ANK2: variants seen among roughly 807,000 people sequenced by gnomAD.
ANK2 encodes the protein ankyrin 2, also known as ankyrin-2.
ANK2 carries 83 observed loss-of-function variants against 360.5 expected under a neutral mutation model. That is an observed-to-expected ratio of 0.23 (90% CI 0.19 to 0.28). ANK2 has a LOEUF of 0.28. ANK2 is among the 10% of genes least tolerant of loss of function. ANK2 has a pLI of 1.00. For synonymous variants in ANK2, 1,740 were observed against 1,759.5 expected, an observed-to-expected ratio of 0.99 and a Z score of 0.28; for missense variants, 4,201 against 4,795.7, an observed-to-expected ratio of 0.88 and a Z score of 3.66.
At chr4:112,958,140 G>T (rs369230785) in intron 2 of ANK2, among the ~76,000 whole-genome samples, 1 of 148,614 alleles carries the variant, frequency 6.7e-6, no homozygotes, top group South Asian at 2.2e-4. Flanking sequence ...GGCTCCTCAC[G>T]TCCCAGACGA....
rs187004448 is a variant in ANK2 at position 113,320,659 on chromosome 4, A to G, written c.2900+2039A>G. On this transcript the variant is annotated intron_variant, in intron 26 of 45. Coordinates refer to ENST00000357077, the MANE Select transcript of ANK2 (RefSeq NM_001148.6). Reference sequence around the variant, plus strand: ...GACAGAGTGAGACTCCATCTCCAAAAAAAACAAAAACAAAAACAAAAAAAA... The same window carrying G: ...GACAGAGTGAGACTCCATCTCCAAAGAAAACAAAAACAAAAACAAAAAAAA... 3.4e-3 allele frequency among the ~76,000 whole-genome samples: 521 copies of G among 151,770 alleles called. 8 individuals are homozygous for G. The East Asian group carries it at 0.049, about 14-fold the overall frequency.
At chr4:112,955,107 A>G (rs142801388) in intron 2 of ANK2, among the ~76,000 whole-genome samples, 52 of 152,190 alleles carry the variant, frequency 3.4e-4, no homozygotes, top group African/African-American at 1.1e-3. Flanking sequence ...TTATTCTTTG[A>G]TATAAATCAC....
chr4:113,106,962 A>G (rs1298910086), intron 1 of ANK2: 1 of 525,666 alleles, frequency 1.9e-6, no homozygotes, highest in Admixed American at 2.0e-5. Flanking sequence ...AACCTATTAC[A>G]GAGACTTCCA....
At chr4:112,887,800 C>A (rs897963874) in intron 1 of ANK2, among the ~76,000 whole-genome samples, 1 of 151,816 alleles carries the variant, frequency 6.6e-6, no homozygotes, top group East Asian at 1.9e-4. Context: ...TTATTTGTGT[C>A]TATCTTCACT....
At chr4:112,904,499 C>A in exon 2 of ANK2, 1 of 1,503,538 alleles carries the variant, frequency 6.7e-7, no homozygotes, top group Non-Finnish European at 9.0e-7. Context: ...TTCAAATGAC[C>A]ACCATGTTGC....
chr4:112,713,430 G>C, the ANK2 span, among the ~76,000 whole-genome samples: 1 of 152,204 alleles, frequency 6.6e-6, no homozygotes, highest in Non-Finnish European at 1.5e-5. Context: ...TTAGCTGGGC[G>C]TGGTGGCGCA....
chr4:112,946,659 A>G (rs1462589862), intron 2 of ANK2, among the ~76,000 whole-genome samples: 1 of 152,216 alleles, frequency 6.6e-6, no homozygotes, highest in Non-Finnish European at 1.5e-5. Flanking sequence ...TGGAATTCAT[A>G]AGTGTAAAAA....
chr4:113,366,391 C>CTTTTTTTTTTTTTTTTT (rs58588518), intron 41 of ANK2, among the ~76,000 whole-genome samples: 2 of 108,370 alleles, frequency 1.8e-5, no homozygotes, highest in African/African-American at 8.9e-5. Context: ...TTCTTGCTTC[C>CTTTTTTTTTTTTTTTTT]TTTTTTTTTT....
chr4:112,969,857 A>T (rs2038799274), intron 2 of ANK2, among the ~76,000 whole-genome samples: 1 of 152,178 alleles, frequency 6.6e-6, no homozygotes, highest in Non-Finnish European at 1.5e-5. Flanking sequence ...GCTCTGTAGG[A>T]GTACTTTAGT....
chr4:113,075,332 G>A (rs1204505024), intron 1 of ANK2, among the ~76,000 whole-genome samples: 1 of 152,098 alleles, frequency 6.6e-6, no homozygotes, highest in Non-Finnish European at 1.5e-5. Flanking sequence ...ATATAGTAAT[G>A]TACTTATGTG....
At chr4:113,011,249 A>G (rs2054619488) in intron 2 of ANK2, among the ~76,000 whole-genome samples, 1 of 152,066 alleles carries the variant, frequency 6.6e-6, no homozygotes, top group Admixed American at 6.6e-5. Flanking sequence ...TTAAGCTGGG[A>G]TAAATGTTTT....
At chr4:112,831,507 G>C (rs1370506048) in intron 1 of ANK2, among the ~76,000 whole-genome samples, 1 of 152,160 alleles carries the variant, frequency 6.6e-6, no homozygotes, top group Non-Finnish European at 1.5e-5. Flanking sequence ...CCTGTGTCTA[G>C]CTCAAGGTTT....
chr4:112,954,059 C>T (rs533984269), intron 2 of ANK2, among the ~76,000 whole-genome samples: 4 of 151,616 alleles, frequency 2.6e-5, no homozygotes, highest in East Asian at 2.0e-4. Flanking sequence ...CTATTTTAAA[C>T]TCAAACAAGA....
At chr4:113,238,750 T>C (rs1355295528) in intron 7 of ANK2, among the ~76,000 whole-genome samples, 1 of 152,158 alleles carries the variant, frequency 6.6e-6, no homozygotes, top group Admixed American at 6.5e-5. Flanking sequence ...AACCCCTTCG[T>C]CTAATCCTGT....
the ANK2 span, among the ~76,000 whole-genome samples, chr4:112,777,203 C>G: frequency 6.6e-6 from 1 of 152,270 alleles, no homozygotes; most frequent in East Asian, 1.9e-4. Flanking sequence ...CAAAATCACA[C>G]AGCAGGAACT....
chr4:113,218,470 C>G (rs939791372), intron 4 of ANK2, among the ~76,000 whole-genome samples: 1 of 148,522 alleles, frequency 6.7e-6, no homozygotes. Context: ...AAAAAAATGA[C>G]TGACATTGAT....
At chr4:112,869,337 G>C (rs751149351) in intron 1 of ANK2, among the ~76,000 whole-genome samples, 1 of 152,036 alleles carries the variant, frequency 6.6e-6, no homozygotes, top group Non-Finnish European at 1.5e-5. Flanking sequence ...GAGTGCAGTG[G>C]CATGGTCTTG....
chr4:113,042,618 T>A (rs2063256848), intron 2 of ANK2, among the ~76,000 whole-genome samples: 1 of 152,232 alleles, frequency 6.6e-6, no homozygotes, highest in South Asian at 2.1e-4. Context: ...TGGACAAACA[T>A]GCTTGCTGAT....
At chr4:113,020,667 A>G (rs767526389) in intron 2 of ANK2, among the ~76,000 whole-genome samples, 59 of 152,104 alleles carry the variant, frequency 3.9e-4, no homozygotes, top group Non-Finnish European at 6.6e-4. Flanking sequence ...GTCTCTACTA[A>G]AAATACAAAA....
Sources: gnomAD v4.1 joint callset for allele counts (sites outside exome capture counted in the v4.1 genomes callset) on GRCh38, gnomAD v4.1.1 for gene constraint, MANE v1.5 for transcripts, NCBI Gene and HGNC (gene_info 2026-07-23, HGNC 2026-07-21) for gene names.